The following PATZ1 variants were observed in gnomAD, a reference collection of about 807,000 sequenced individuals.
The protein encoded by PATZ1 is POZ/BTB and AT hook containing zinc finger 1, also known as POZ-, AT hook-, and zinc finger-containing protein 1.
PATZ1 carries 9 observed loss-of-function variants against 46.2 expected under a neutral mutation model. The ratio of observed to expected loss-of-function variants is 0.19; its 90% CI spans 0.12 to 0.34. PATZ1 has a LOEUF of 0.34. Ranked by LOEUF, PATZ1 falls within the 10% of genes least tolerant of loss-of-function variation. The pLI, the probability that PATZ1 is intolerant of heterozygous loss-of-function variation, is 1.00. For missense variants in PATZ1, 632 were observed against 923.0 expected (o/e 0.68, Z 4.08); for synonymous variants, 426 against 378.6 (o/e 1.13, Z -1.45).
Position 31,335,580 on chromosome 22 carries a change from G to A in PATZ1, c.1507+112C>T, listed in dbSNP as rs558261924. ...GTGTTTATCATTCAGTGGGAAGTAG[G>A]GGGTGGCTGTGCAAAGAGTGGAGTC... On this transcript the variant is annotated intron_variant, in intron 3 of 4. Transcript: ENST00000266269. 21 of 943,832 alleles carry A rather than the reference G, an allele frequency of 2.2e-5. No individual in the cohort carries two copies. The African/African-American group carries it at 2.9e-4, about 13-fold the overall frequency. The allele number at this position is 943,832 out of a possible 1,614,324, so 58.5% of individuals were successfully genotyped here. A position where few individuals can be genotyped will look rare whatever the true frequency, so the allele number is the denominator to read the frequency against.
intron 2 of PATZ1, chr22:31,340,671 C>T: frequency 9.8e-7 from 1 of 1,022,616 alleles, no homozygotes; most frequent in Non-Finnish European, 1.2e-6. Context: ...CACACAAAGC[C>T]TCAAATGTTA....
chr22:31,334,356 T>A (rs1387546129), intron 3 of PATZ1, among the ~76,000 whole-genome samples: 1 of 152,082 alleles, frequency 6.6e-6, no homozygotes, highest in Non-Finnish European at 1.5e-5. Flanking sequence ...CACTACTACT[T>A]CCCTGCTTTC....
intron 3 of PATZ1, among the ~76,000 whole-genome samples, chr22:31,330,493 CGTCTCAAAAAAAAAA>C (rs926169391): frequency 4.6e-5 from 7 of 150,658 alleles, no homozygotes; most frequent in South Asian, 2.1e-4. Flanking sequence ...AGCGAGACTC[CGTCTCAAAAAAAAAA>C]GAGGCTTGGT....
In PATZ1 at chr22:31,345,019, A is replaced by G. The variant is rs2049633712; in HGVS notation, c.584T>C (p.Leu195Ser). 1.9e-6 allele frequency: 3 copies of G among 1,614,106 alleles called. No homozygotes were observed. Among genetic ancestry groups the G allele is most frequent in the Admixed American group, 1.7e-5 (1 of 60,034 alleles). ...FPLDMTNGAA[L>S]AANSNGIAGS... The stretch of plus-strand genomic sequence containing the variant: ...GGCGATGCCATTGCTGTTGGCTGCC[A>G]AGGCTGCCCCGTTGGTCATGTCCAA... Residue 195 changes from leucine to serine, a missense_variant, in exon 1 of 5, where the codon TTG becomes TCG. This residue lies in a region of PATZ1 where 279 missense variants were observed against 284.3 expected (regional missense o/e 0.98). Transcript: ENST00000266269. The surrounding 1 kb of genome is among the most constrained non-coding windows in gnomAD (Gnocchi z 7.4).
rs1402584902 is a variant in PATZ1 at position 31,342,802 on chromosome 22, CG to C, written c.1335+94del. The C allele has an allele frequency of 2.4e-5, 33 of 1,396,942 alleles. No individual in the cohort carries two copies. In the East Asian group the frequency reaches 3.5e-4, roughly 15 times the overall value. The allele number at this position is 1,396,942 out of a possible 1,614,324, so 86.5% of individuals were successfully genotyped here. ...GTGTGCAAAGCGGTGGGCGGTCAGC[CG>C]GGCCCCCGGCACACGCAGCGGCTGG... is the stretch of plus-strand genomic sequence containing the variant. On this transcript the variant is annotated intron_variant, in intron 2 of 4. Transcript: ENST00000266269.
chr22:31,338,418 T>G (rs1037852893), intron 2 of PATZ1, among the ~76,000 whole-genome samples: 14 of 152,210 alleles, frequency 9.2e-5, no homozygotes, highest in African/African-American at 3.4e-4. Flanking sequence ...TGAACAGATT[T>G]GTGCAAGGAA....
At chr22:31,335,939 A>G in intron 2 of PATZ1, 76 bp from the exon 3 acceptor site, 1 of 1,402,014 alleles carries the variant, frequency 7.1e-7, no homozygotes, top group Non-Finnish European at 9.9e-7. Flanking sequence ...TGCACCATGA[A>G]GCAAAGGCAA....
chr22:31,327,866 C>T lies in PATZ1; in HGVS notation c.1646-557G>A, dbSNP rs1045718809. Among the ~76,000 whole-genome samples the T allele has an allele frequency of 6.6e-6, 1 of 152,190 alleles. No individual in the cohort carries two copies. Among genetic ancestry groups the T allele is most frequent in the African/African-American group, 2.4e-5 (1 of 41,434 alleles). ...GCTGCAAACATAGCCCTGTCCTTAC[C>T]GCCTTCCTTCTGCCAAAACCTTTTC... is the stretch of plus-strand genomic sequence containing the variant. On this transcript the variant is annotated intron_variant, in intron 4 of 4. Transcript: ENST00000266269. The surrounding 1 kb of genome is among the most constrained non-coding windows in gnomAD (Gnocchi z 4.2).
intron 3 of PATZ1, among the ~76,000 whole-genome samples, chr22:31,330,171 A>G (rs759010726): frequency 5.9e-5 from 9 of 152,202 alleles, no homozygotes; most frequent in Admixed American, 4.6e-4. Context: ...CTGGAACTGT[A>G]ATAAAGGTTC....
At chr22:31,341,764 T>C in intron 2 of PATZ1, 1 of 1,267,120 alleles carries the variant, frequency 7.9e-7, no homozygotes, top group South Asian at 1.4e-5. Context: ...CCTCCTACTC[T>C]GCCCGGGCTA....
chr22:31,342,843 C>T (rs769612780), intron 2 of PATZ1, 54 bp downstream of exon 2: 6 of 1,599,228 alleles, frequency 3.8e-6, no homozygotes, highest in Admixed American at 1.7e-5. Context: ...AGGCTGCGAC[C>T]GTGAGAACAG....
chr22:31,344,319 G>T lies in PATZ1; in HGVS notation c.1271+13C>A, dbSNP rs1292927678. The T allele has an allele frequency of 3.2e-6, 5 of 1,580,538 alleles. No individual in the cohort carries two copies. Among genetic ancestry groups the T allele is most frequent in the Non-Finnish European group, 4.3e-6 (5 of 1,161,698 alleles). ...AACGTGTGGCAGGGGAGGAAGAGGGGGCCTTTCCTCACCTGGAGAAGCCTT... is the reference window on the plus strand; with the variant it reads ...AACGTGTGGCAGGGGAGGAAGAGGGTGCCTTTCCTCACCTGGAGAAGCCTT... On this transcript the variant is annotated intron_variant, in intron 1 of 4. Transcript: ENST00000266269.
intron 2 of PATZ1, among the ~76,000 whole-genome samples, chr22:31,336,828 A>T (rs1490677059): frequency 7.2e-6 from 1 of 138,808 alleles, no homozygotes; most frequent in Non-Finnish European, 1.5e-5. Context: ...AAAAAAAAAA[A>T]TCCGGGCGCG....
intron 2 of PATZ1, chr22:31,341,667 C>G (rs1189044920): frequency 6.2e-7 from 1 of 1,610,950 alleles, no homozygotes; most frequent in African/African-American, 1.3e-5. Context: ...CAGGCCGCTG[C>G]TGCTCCCAAC....
intron 2 of PATZ1, chr22:31,341,438 G>T (rs1437896231): frequency 6.3e-7 from 1 of 1,584,220 alleles, no homozygotes; most frequent in Non-Finnish European, 8.6e-7. Flanking sequence ...AGGCCCTGCT[G>T]CCCTCTGGGG....
intron 2 of PATZ1, chr22:31,340,758 C>T (rs756738945): frequency 2.7e-4 from 284 of 1,053,526 alleles, no homozygotes; most frequent in Admixed American, 9.8e-4. Flanking sequence ...AATAAGGATC[C>T]GAGGGAGGGG....
At chr22:31,338,443 G>C (rs2049539152) in intron 2 of PATZ1, among the ~76,000 whole-genome samples, 1 of 152,248 alleles carries the variant, frequency 6.6e-6, no homozygotes, top group African/African-American at 2.4e-5. Flanking sequence ...CAGCATGTAG[G>C]AAGTCAGAAA....
chr22:31,345,680 C>T lies in PATZ1; in HGVS notation c.-78G>A. On this transcript the variant is annotated 5_prime_UTR_variant, in exon 1 of 5. Coordinates refer to ENST00000266269, the MANE Select transcript of PATZ1 (RefSeq NM_014323.3). The surrounding 1 kb of genome is among the most constrained non-coding windows in gnomAD (Gnocchi z 7.4). Reference sequence around the variant, plus strand: ...TTCCCCTCAGCAGCGAGAAGCGGGGCGCAGCAGACGTGTCCACACTCCCCA... The same window carrying T: ...TTCCCCTCAGCAGCGAGAAGCGGGGTGCAGCAGACGTGTCCACACTCCCCA... 9 of 1,387,996 alleles carry T rather than the reference C, an allele frequency of 6.5e-6. No homozygotes were observed. Among genetic ancestry groups the T allele is most frequent in the Non-Finnish European group, 8.7e-6 (9 of 1,037,616 alleles). The allele number at this position is 1,387,996 out of a possible 1,614,324, so 86.0% of individuals were successfully genotyped here.
At chr22:31,343,759 G>C (rs1473439972) in intron 1 of PATZ1, among the ~76,000 whole-genome samples, 2 of 152,244 alleles carry the variant, frequency 1.3e-5, no homozygotes, top group Non-Finnish European at 2.9e-5. Context: ...AGAGCTACCA[G>C]GTCAGAGCAG....
Sources: gnomAD v4.1 joint callset for allele counts (sites outside exome capture counted in the v4.1 genomes callset) on GRCh38, gnomAD v4.1.1 for gene constraint, gnomAD v4.1.1 regional missense constraint, Gnocchi (gnomAD v3.1) non-coding constraint, MANE v1.5 for transcripts, NCBI Gene and HGNC (gene_info 2026-07-23, HGNC 2026-07-21) for gene names.